The following SYT1 variants were observed in gnomAD, a reference collection of about 807,000 sequenced individuals.
SYT1 encodes the protein synaptotagmin 1.
SYT1 carries 8 observed loss-of-function variants against 44.8 expected under a neutral mutation model. The ratio of observed to expected loss-of-function variants is 0.18; its 90% CI spans 0.10 to 0.32. The LOEUF (loss-of-function observed/expected upper bound fraction) is 0.32. Ranked by LOEUF, SYT1 falls within the 10% of genes least tolerant of loss-of-function variation. The pLI, the probability that SYT1 is intolerant of heterozygous loss-of-function variation, is 1.00. For missense variants in SYT1, 286 were observed against 509.3 expected, an observed-to-expected ratio of 0.56 and a Z score of 4.22; for synonymous variants, 154 against 188.8, an observed-to-expected ratio of 0.82 and a Z score of 1.51.
chr12:79,327,153 C>A (rs2138999575), intron 8 of SYT1, among the ~76,000 whole-genome samples: 1 of 152,020 alleles, frequency 6.6e-6, no homozygotes, highest in East Asian at 1.9e-4. Flanking sequence ...TGAGCCTCTA[C>A]ATTTCTTTCA....
At chr12:78,889,604 T>C (rs1336655809) in intron 1 of SYT1, among the ~76,000 whole-genome samples, 1 of 151,696 alleles carries the variant, frequency 6.6e-6, no homozygotes, top group Admixed American at 6.6e-5. Flanking sequence ...GCCTTGGAAT[T>C]AGTATTGATT....
rs570492306 is a variant in SYT1 at position 79,168,460 on chromosome 12, C to T, written c.-17-49043C>T. Reference sequence around the variant, plus strand: ...ATAGTTTGATCTGGCAAAGATGGGACGGCACACCCAGCACTAAACTTAACT... The same window carrying T: ...ATAGTTTGATCTGGCAAAGATGGGATGGCACACCCAGCACTAAACTTAACT... On this transcript the variant is annotated intron_variant, in intron 3 of 10. Coordinates refer to ENST00000261205, the MANE Select transcript of SYT1 (RefSeq NM_005639.3). Among the ~76,000 whole-genome samples the T allele has an allele frequency of 5.3e-5, 8 of 152,174 alleles. No homozygotes were observed. In the South Asian group the frequency reaches 6.2e-4, roughly 12 times the overall value.
chr12:79,097,216 G>C (rs1430782847), intron 3 of SYT1, among the ~76,000 whole-genome samples: 2 of 151,894 alleles, frequency 1.3e-5, no homozygotes, highest in African/African-American at 4.8e-5. Context: ...AGGGACATGG[G>C]ATGAAGCAAA....
chr12:79,174,397 T>C (rs1365618540), intron 3 of SYT1, among the ~76,000 whole-genome samples: 1 of 109,746 alleles, frequency 9.1e-6, no homozygotes, highest in Non-Finnish European at 1.9e-5. Flanking sequence ...TGGTGACGTA[T>C]TCTCCTGTCC....
At chr12:79,128,815 A>G (rs2138167139) in intron 3 of SYT1, among the ~76,000 whole-genome samples, 1 of 152,332 alleles carries the variant, frequency 6.6e-6, no homozygotes, top group Non-Finnish European at 1.5e-5. Context: ...TTATTATCAT[A>G]CTTACCTTAC....
At chr12:79,081,654 C>G (rs1303285292) in intron 3 of SYT1, among the ~76,000 whole-genome samples, 1 of 152,136 alleles carries the variant, frequency 6.6e-6, no homozygotes, top group Admixed American at 6.6e-5. Flanking sequence ...GCTGGGCTTA[C>G]GGGTGTGAGC....
At chr12:78,908,376 C>CT (rs66823725) in intron 1 of SYT1, among the ~76,000 whole-genome samples, 22 of 148,864 alleles carry the variant, frequency 1.5e-4, no homozygotes, top group South Asian at 1.1e-3. Context: ...ATCAGTTTTT[C>CT]TTTTTTTTTT....
intron 9 of SYT1, among the ~76,000 whole-genome samples, chr12:79,434,485 G>T (rs1469137448): frequency 6.6e-6 from 1 of 152,136 alleles, no homozygotes; most frequent in Non-Finnish European, 1.5e-5. Flanking sequence ...ACTGCCAGTG[G>T]TAGAAACAGA....
chr12:78,884,538 A>G (rs1272919837), intron 1 of SYT1, among the ~76,000 whole-genome samples: 1 of 151,696 alleles, frequency 6.6e-6, no homozygotes, highest in Non-Finnish European at 1.5e-5. Context: ...ACTGCAAAGT[A>G]TCCTTGTGTT....
At chr12:79,342,825 T>A (rs1882438127) in intron 8 of SYT1, among the ~76,000 whole-genome samples, 1 of 152,182 alleles carries the variant, frequency 6.6e-6, no homozygotes, top group South Asian at 2.1e-4. Flanking sequence ...ATAAATTCAG[T>A]TTTTGGCATT....
chr12:79,403,445 A>C (rs543964102), intron 9 of SYT1, among the ~76,000 whole-genome samples: 1 of 152,232 alleles, frequency 6.6e-6, no homozygotes, highest in East Asian at 1.9e-4. Context: ...TCTTCAGGGG[A>C]GGTCTTTTTT....
chr12:79,344,353 G>A (rs906060498), intron 8 of SYT1, among the ~76,000 whole-genome samples: 1 of 152,172 alleles, frequency 6.6e-6, no homozygotes, highest in Non-Finnish European at 1.5e-5. Context: ...CACAGAGGAG[G>A]TACCCAATAA....
chr12:79,039,843 A>G (rs1873413569), intron 2 of SYT1, among the ~76,000 whole-genome samples: 2 of 133,224 alleles, frequency 1.5e-5, no homozygotes, highest in Non-Finnish European at 3.1e-5. Flanking sequence ...TCATTGTTCA[A>G]TTCCCACCTA....
chr12:78,890,376 C>A (rs1212891264), intron 1 of SYT1, among the ~76,000 whole-genome samples: 1 of 151,746 alleles, frequency 6.6e-6, no homozygotes, highest in African/African-American at 2.4e-5. Context: ...ACATCACACA[C>A]TGGGGCCTGT....
At chr12:78,892,676 G>A in intron 1 of SYT1, among the ~76,000 whole-genome samples, 1 of 151,704 alleles carries the variant, frequency 6.6e-6, no homozygotes, top group South Asian at 2.1e-4. Context: ...AAATTTAAAA[G>A]GAAGTCAAAA....
intron 1 of SYT1, among the ~76,000 whole-genome samples, chr12:78,970,593 CCT>C (rs1375074501): frequency 3.3e-5 from 5 of 152,132 alleles, no homozygotes; most frequent in African/African-American, 1.2e-4. Flanking sequence ...AGCTCAACTT[CCT>C]GTTAGTGTGA....
At chr12:78,994,531 A>T (rs1268832463) in intron 2 of SYT1, among the ~76,000 whole-genome samples, 14 of 54,988 alleles carry the variant, frequency 2.5e-4, no homozygotes, top group East Asian at 9.7e-4. Flanking sequence ...CTTTGTTCTG[A>T]GGATTTTTTT....
intron 3 of SYT1, among the ~76,000 whole-genome samples, chr12:79,182,571 G>A (rs574929319): frequency 1.2e-4 from 18 of 151,976 alleles, no homozygotes; most frequent in Non-Finnish European, 1.6e-4. Context: ...CTATAGATAT[G>A]GGTAGGTCCA....
intron 3 of SYT1, among the ~76,000 whole-genome samples, chr12:79,173,295 G>A (rs188888753): frequency 1.3e-5 from 2 of 152,140 alleles, no homozygotes; most frequent in East Asian, 3.9e-4. Flanking sequence ...TGATAGAGCA[G>A]CATGCAGCCT....
Sources: gnomAD v4.1 joint callset for allele counts (sites outside exome capture counted in the v4.1 genomes callset) on GRCh38, gnomAD v4.1.1 for gene constraint, MANE v1.5 for transcripts, NCBI Gene and HGNC (gene_info 2026-07-23, HGNC 2026-07-21) for gene names.